The following NKAIN2 variants were observed in gnomAD, a reference collection of about 807,000 sequenced individuals.
NKAIN2 encodes sodium/potassium transporting ATPase interacting 2.
Under a neutral mutation model 32.6 loss-of-function variants are expected in NKAIN2, and 14 were observed. That is an observed-to-expected ratio of 0.43 (90% CI 0.28 to 0.67). The LOEUF is 0.67. NKAIN2 is among the 30% of genes least tolerant of loss of function. NKAIN2 has a pLI of 0.17. For synonymous variants in NKAIN2, 80 were observed against 87.2 expected, an observed-to-expected ratio of 0.92 and a Z score of 0.46; for missense variants, 198 against 258.3, an observed-to-expected ratio of 0.77 and a Z score of 1.60.
intron 1 of NKAIN2, among the ~76,000 whole-genome samples, chr6:123,882,131 C>T (rs1288777165): frequency 9.2e-5 from 14 of 151,828 alleles, no homozygotes; most frequent in African/African-American, 2.4e-4. Context: ...GACCAACCTC[C>T]GCATATTACT....
At chr6:124,498,487 G>A (rs1778155767) in intron 3 of NKAIN2, among the ~76,000 whole-genome samples, 1 of 152,144 alleles carries the variant, frequency 6.6e-6, no homozygotes, top group African/African-American at 2.4e-5. Flanking sequence ...TTAAAGGAAA[G>A]GGGCTATGTC....
At chr6:123,841,793 C>G (rs1193480360) in intron 1 of NKAIN2, among the ~76,000 whole-genome samples, 1 of 152,138 alleles carries the variant, frequency 6.6e-6, no homozygotes, top group African/African-American at 2.4e-5. Context: ...ACAAAGCTAA[C>G]AGTAGCAATA....
chr6:124,333,717 G>A (rs1387108564), intron 2 of NKAIN2, among the ~76,000 whole-genome samples: 2 of 151,806 alleles, frequency 1.3e-5, no homozygotes, highest in African/African-American at 2.4e-5. Flanking sequence ...TAAGAAAAAT[G>A]CCAAGCAGAT....
intron 2 of NKAIN2, among the ~76,000 whole-genome samples, chr6:124,303,001 G>C (rs9388312): frequency 0.066 from 9,998 of 152,206 alleles, 499 homozygotes; most frequent in East Asian, 0.25. Flanking sequence ...CTTTTATGTA[G>C]ACATATTTTG....
At chr6:124,671,043 A>AT (rs757762831) in intron 4 of NKAIN2, among the ~76,000 whole-genome samples, 7 of 152,044 alleles carry the variant, frequency 4.6e-5, no homozygotes, top group Non-Finnish European at 8.8e-5. Context: ...CAAACAATAT[A>AT]TTTTTAGGGC....
chr6:124,301,983 A>T (rs960636401), intron 2 of NKAIN2, among the ~76,000 whole-genome samples: 2 of 152,088 alleles, frequency 1.3e-5, no homozygotes, highest in African/African-American at 4.8e-5. Flanking sequence ...GGGTGGAATG[A>T]TATGGTTTAG....
intron 1 of NKAIN2, among the ~76,000 whole-genome samples, chr6:124,044,064 G>C (rs1036711689): frequency 1.3e-5 from 2 of 152,028 alleles, no homozygotes; most frequent in African/African-American, 4.8e-5. Flanking sequence ...GCAGTCAAGA[G>C]AAGCTGCTTT....
chr6:124,632,086 A>G (rs1247785244), intron 3 of NKAIN2, among the ~76,000 whole-genome samples: 1 of 152,178 alleles, frequency 6.6e-6, no homozygotes, highest in African/African-American at 2.4e-5. Context: ...TGTGATTTCC[A>G]ATTTCATATT....
intron 3 of NKAIN2, among the ~76,000 whole-genome samples, chr6:124,639,821 A>G (rs866697443): frequency 1.3e-5 from 2 of 152,102 alleles, no homozygotes; most frequent in Admixed American, 6.6e-5. Flanking sequence ...ATTATTAGAC[A>G]CTGAGAAGAG....
At chr6:124,165,103 G>A (rs887172988) in intron 1 of NKAIN2, among the ~76,000 whole-genome samples, 4 of 152,026 alleles carry the variant, frequency 2.6e-5, no homozygotes, top group Non-Finnish European at 4.4e-5. Context: ...TTTCTTAAGT[G>A]CTAAAGAATA....
In NKAIN2 at chr6:124,432,695, G is replaced by A. The variant is rs148882752; in HGVS notation, c.273+77348G>A. Among the ~76,000 whole-genome samples, 32 of 152,212 alleles carry A rather than the reference G, an allele frequency of 2.1e-4. No homozygotes were observed. In the East Asian group the frequency reaches 5.0e-3, roughly 24 times the overall value. On this transcript the variant is annotated intron_variant, in intron 3 of 6. Coordinates refer to ENST00000368417, the MANE Select transcript of NKAIN2 (RefSeq NM_001040214.3). ...GAAAGATTTATGTTTAGATTAAAAT[G>A]AGGATGAAATAAACTGACTAGATCT...
At chr6:124,107,294 A>G (rs1785167533) in intron 1 of NKAIN2, among the ~76,000 whole-genome samples, 1 of 152,202 alleles carries the variant, frequency 6.6e-6, no homozygotes, top group Admixed American at 6.5e-5. Flanking sequence ...TATTCAGAAC[A>G]AAGGTGTTAC....
chr6:124,166,023 T>A (rs1197484024), intron 1 of NKAIN2, among the ~76,000 whole-genome samples: 9 of 106,582 alleles, frequency 8.4e-5, no homozygotes, highest in African/African-American at 3.0e-4. Flanking sequence ...GTCCTTTGGG[T>A]ATATACCCAG....
chr6:124,300,382 G>T (rs1796245036), intron 2 of NKAIN2, among the ~76,000 whole-genome samples: 1 of 152,138 alleles, frequency 6.6e-6, no homozygotes, highest in South Asian at 2.1e-4. Flanking sequence ...CCAGCCATGT[G>T]GAACTGTGAG....
intron 3 of NKAIN2, among the ~76,000 whole-genome samples, chr6:124,506,525 A>G (rs925303322): frequency 6.6e-6 from 1 of 152,180 alleles, no homozygotes; most frequent in African/African-American, 2.4e-5. Context: ...AGGTTTTCAT[A>G]CCTTCCTCCT....
In NKAIN2 at chr6:124,761,321, G is replaced by A. The variant is rs537898382; in HGVS notation, c.475-30018G>A. Among the ~76,000 whole-genome samples, 18 of 152,198 alleles carry A rather than the reference G, an allele frequency of 1.2e-4. No individual in the cohort carries two copies. The South Asian group carries it at 2.5e-3, about 21-fold the overall frequency. ...AGTTAGATGGCCTTCAAAGTACTTGGCCCTCCCTGACCTTGATAACCCCAT... is the reference window on the plus strand; with the variant it reads ...AGTTAGATGGCCTTCAAAGTACTTGACCCTCCCTGACCTTGATAACCCCAT... On this transcript the variant is annotated intron_variant, in intron 4 of 6. Coordinates refer to ENST00000368417, the MANE Select transcript of NKAIN2 (RefSeq NM_001040214.3).
chr6:124,034,947 C>G (rs1167491616), intron 1 of NKAIN2, among the ~76,000 whole-genome samples: 1 of 148,372 alleles, frequency 6.7e-6, no homozygotes, highest in Non-Finnish European at 1.5e-5. Flanking sequence ...TTTCTAACCA[C>G]TTGTTTAGAA....
intron 1 of NKAIN2, among the ~76,000 whole-genome samples, chr6:124,139,375 A>C (rs944307913): frequency 6.6e-6 from 1 of 151,850 alleles, no homozygotes; most frequent in African/African-American, 2.4e-5. Flanking sequence ...GGCGTGAGCC[A>C]CCGCGCCCGG....
At chr6:124,690,228 T>C (rs1430271522) in intron 4 of NKAIN2, among the ~76,000 whole-genome samples, 3 of 152,162 alleles carry the variant, frequency 2.0e-5, no homozygotes, top group African/African-American at 7.2e-5. Context: ...CTATTGTGCT[T>C]TTAATTTCAA....
Sources: gnomAD v4.1 joint callset for allele counts (sites outside exome capture counted in the v4.1 genomes callset) on GRCh38, gnomAD v4.1.1 for gene constraint, MANE v1.5 for transcripts, NCBI Gene and HGNC (gene_info 2026-07-23, HGNC 2026-07-21) for gene names.